The following ANAPC1 variants were observed in gnomAD, a reference collection of about 807,000 sequenced individuals.
ANAPC1 encodes anaphase promoting complex subunit 1.
In ANAPC1, 36 loss-of-function variants were observed where a neutral mutation model predicts 208.0. The ratio of observed to expected loss-of-function variants is 0.17; its 90% CI spans 0.13 to 0.23. The LOEUF is 0.23. Ranked by LOEUF, ANAPC1 falls within the 10% of genes least tolerant of loss-of-function variation. The pLI, the probability that ANAPC1 is intolerant of heterozygous loss-of-function variation, is 1.00. For synonymous variants in ANAPC1, 378 were observed against 695.2 expected (o/e 0.54, Z 7.18); for missense variants, 942 against 2,011.6 (o/e 0.47, Z 10.17).
intron 11 of ANAPC1, among the ~76,000 whole-genome samples, chr2:111,857,621 C>G (rs1459066681): frequency 1.1e-4 from 16 of 152,194 alleles, no homozygotes; most frequent in Non-Finnish European, 4.4e-5. Context: ...ATTTGGAAAA[C>G]AGTTTGGTGA....
At chr2:111,794,729 T>A in intron 35 of ANAPC1, 89 bp downstream of exon 35, 2 of 1,203,372 alleles carry the variant, frequency 1.7e-6, no homozygotes, top group South Asian at 2.7e-5. Context: ...ATTACTTAAA[T>A]CAAGGACAAT....
At chr2:111,827,184 G>GTA (rs760392131) in intron 21 of ANAPC1, among the ~76,000 whole-genome samples, 5 of 152,056 alleles carry the variant, frequency 3.3e-5, no homozygotes, top group Non-Finnish European at 5.9e-5. Flanking sequence ...CACTATCTAA[G>GTA]AAGTATCTAG....
At chr2:111,829,168 T>C (rs1337550203) in intron 21 of ANAPC1, among the ~76,000 whole-genome samples, 1 of 152,106 alleles carries the variant, frequency 6.6e-6, no homozygotes, top group African/African-American at 2.4e-5. Context: ...GAGCCGAGAT[T>C]GTGCCACTGC....
intron 20 of ANAPC1, among the ~76,000 whole-genome samples, chr2:111,832,072 C>T (rs1416140780): frequency 6.8e-6 from 1 of 147,470 alleles, no homozygotes; most frequent in East Asian, 2.0e-4. Context: ...TCAGGTGGAT[C>T]ACTTGAGGTC....
At chr2:111,823,501 A>G (rs558595366) in intron 24 of ANAPC1, among the ~76,000 whole-genome samples, 1 of 150,780 alleles carries the variant, frequency 6.6e-6, no homozygotes, top group East Asian at 1.9e-4. Context: ...TTGTTATGGA[A>G]AAAAAAAAAG....
chr2:111,795,141 T>C (rs1344055439), intron 34 of ANAPC1: 2 of 294,242 alleles, frequency 6.8e-6, no homozygotes, highest in Non-Finnish European at 1.3e-5. Flanking sequence ...CCCAGCACTT[T>C]GGAAGGCCAA....
intron 46 of ANAPC1, among the ~76,000 whole-genome samples, chr2:111,773,515 C>T (rs1205825578): frequency 6.6e-6 from 1 of 152,072 alleles, no homozygotes; most frequent in Admixed American, 6.6e-5. Flanking sequence ...CAGGTTAAGT[C>T]AGGCCTTCTT....
chr2:111,843,740 T>C lies in ANAPC1; in HGVS notation c.1853-141A>G, dbSNP rs957768469. The C allele has an allele frequency of 2.6e-5, 16 of 606,836 alleles. No homozygotes were observed. The African/African-American group carries it at 2.7e-4, about 10-fold the overall frequency. 37.6% of individuals were successfully genotyped at this position (606,836 alleles called of 1,614,324 possible). A position where few individuals can be genotyped will look rare whatever the true frequency, so the allele number is the denominator to read the frequency against. Reference sequence around the variant, plus strand: ...AACTGTCATTAAAGAGCCAATGAGATGCAAACATTACCTAACCAATCATCT... The same window carrying C: ...AACTGTCATTAAAGAGCCAATGAGACGCAAACATTACCTAACCAATCATCT... On this transcript the variant is annotated intron_variant, in intron 16 of 47. Transcript: ENST00000341068.
chr2:111,800,294 C>T (rs879865902), intron 34 of ANAPC1, among the ~76,000 whole-genome samples: 63 of 142,220 alleles, frequency 4.4e-4, no homozygotes, highest in Admixed American at 7.2e-4. Context: ...TAGACATGGA[C>T]AGTTGTCTAA....
At chr2:111,790,053 A>C (rs1422536648) in intron 38 of ANAPC1, among the ~76,000 whole-genome samples, 1 of 152,264 alleles carries the variant, frequency 6.6e-6, no homozygotes, top group African/African-American at 2.4e-5. Context: ...TGTACTTCTG[A>C]AAAGGTGAGT....
rs908551990 is a variant in ANAPC1, at chr2:111,875,573, A to G, written c.376-1909T>C. 1.1e-3 allele frequency among the ~76,000 whole-genome samples: 163 copies of G among 152,310 alleles called. 1 individual carries two copies. Among genetic ancestry groups the G allele is most frequent in the Non-Finnish European group, 1.6e-3 (106 of 68,010 alleles). ...ACAGTCACAAAATAGTGCCCCTGAC[A>G]ACAGTCTCCCTCCTCTCCAGTCAAT... is the stretch of plus-strand genomic sequence containing the variant. On this transcript the variant is annotated intron_variant, in intron 3 of 47. Transcript: ENST00000341068.
intron 24 of ANAPC1, among the ~76,000 whole-genome samples, chr2:111,823,176 A>AT (rs945048678): frequency 2.0e-5 from 3 of 149,124 alleles, no homozygotes; most frequent in African/African-American, 7.5e-5. Flanking sequence ...TGCCCGGCTA[A>AT]TTTTTTTTGT....
chr2:111,875,227 G>T (rs1193481976), intron 3 of ANAPC1, among the ~76,000 whole-genome samples: 2 of 152,182 alleles, frequency 1.3e-5, no homozygotes, highest in Non-Finnish European at 2.9e-5. Context: ...TTAGAAAAAT[G>T]TCCATTTAAG....
intron 38 of ANAPC1, among the ~76,000 whole-genome samples, 173 bp downstream of exon 38, chr2:111,792,189 C>G (rs1677912894): frequency 6.7e-6 from 1 of 148,372 alleles, no homozygotes; most frequent in Non-Finnish European, 1.5e-5. Context: ...CTGAGTAGAC[C>G]ATAAGTTGAC....
At position 111,834,712 on chromosome 2, in the gene ANAPC1, A is replaced by G; in HGVS notation, c.2276T>C (p.Ile759Thr). 1.2e-6 allele frequency: 2 copies of G among 1,613,676 alleles called. No homozygotes were observed. The highest frequency in any genetic ancestry group is 1.1e-5 in the South Asian group (1 of 91,052). Residue 759 changes from isoleucine (I) to threonine (T), a missense_variant, in exon 19 of 48, where the codon ATA (isoleucine) becomes ACA (threonine). Physicochemically the swap from Ile to Thr is moderately conservative, Grantham distance 89. Coordinates refer to ENST00000341068, the MANE Select transcript of ANAPC1 (RefSeq NM_022662.4). ...LDSSTLLFTH[I>T]PAIFFVLHLV... is the part of the protein sequence containing the mutation. ...GTGAAGAACGAAAAAAATTGCAGGT[A>G]TGTGAGTAAAGAGAAGTGTAGAAGA...
intron 21 of ANAPC1, 63 bp downstream of exon 21, chr2:111,831,223 G>A: frequency 6.5e-7 from 1 of 1,530,438 alleles, no homozygotes; most frequent in East Asian, 2.3e-5. Flanking sequence ...AATATCAGGT[G>A]TACTTTTTAA....
At chr2:111,882,506 G>A (rs1683355745) in intron 1 of ANAPC1, among the ~76,000 whole-genome samples, 1 of 151,624 alleles carries the variant, frequency 6.6e-6, no homozygotes. Flanking sequence ...GAGGCGCGAG[G>A]ATCACCTGAG....
chr2:111,846,559 ATTTTTTTTTTT>A (rs775041785), intron 16 of ANAPC1, among the ~76,000 whole-genome samples: 1 of 46,266 alleles, frequency 2.2e-5, no homozygotes, highest in Non-Finnish European at 3.9e-5. Context: ...ATATATATAT[ATTTTTTTTTTT>A]TTTTTTTTTT....
At chr2:111,844,550 C>G (rs1680945851) in intron 16 of ANAPC1, among the ~76,000 whole-genome samples, 1 of 144,132 alleles carries the variant, frequency 6.9e-6, no homozygotes, top group Non-Finnish European at 1.5e-5. Flanking sequence ...GCCTGGATGA[C>G]TAGAGCGAAA....
Sources: allele counts gnomAD v4.1 joint callset (sites outside exome capture counted in the v4.1 genomes callset), GRCh38; gene constraint gnomAD v4.1.1; transcripts MANE v1.5; gene names NCBI Gene and HGNC (gene_info 2026-07-23, HGNC 2026-07-21).